Variants in PBX3 observed in about 807,000 individuals in gnomAD.
PBX3 encodes the protein PBX homeobox 3.
Under a neutral mutation model 48.5 loss-of-function variants are expected in PBX3, and 14 were observed. The observed-to-expected ratio is 0.29, with a 90% confidence interval of 0.19 to 0.45. The LOEUF (loss-of-function observed/expected upper bound fraction) is 0.45. Among genes scored for constraint, PBX3 ranks in the 20% least tolerant of loss-of-function variants. The pLI, the probability that PBX3 is intolerant of heterozygous loss-of-function variation, is 1.00. For synonymous variants in PBX3, 210 were observed against 200.3 expected, an observed-to-expected ratio of 1.05 and a Z score of -0.41; for missense variants, 386 against 546.7, an observed-to-expected ratio of 0.71 and a Z score of 2.93.
At chr9:125,834,188 T>G (rs901193584) in intron 2 of PBX3, among the ~76,000 whole-genome samples, 1 of 152,056 alleles carries the variant, frequency 6.6e-6, no homozygotes, top group South Asian at 2.1e-4. Context: ...CATTATGAAG[T>G]ATTGACTGAA....
At chr9:125,765,921 C>G (rs1485311599) in intron 2 of PBX3, among the ~76,000 whole-genome samples, 1 of 151,936 alleles carries the variant, frequency 6.6e-6, no homozygotes, top group African/African-American at 2.4e-5. Flanking sequence ...CTTAAAAGGG[C>G]TTGTTCTTAT....
intron 3 of PBX3, among the ~76,000 whole-genome samples, chr9:125,924,655 T>C (rs539986070): frequency 1.3e-5 from 2 of 152,340 alleles, no homozygotes; most frequent in Admixed American, 6.5e-5. Flanking sequence ...TACTGAATTA[T>C]GCATATCTTC....
At chr9:125,776,646 C>G (rs1033400908) in intron 2 of PBX3, among the ~76,000 whole-genome samples, 2 of 152,072 alleles carry the variant, frequency 1.3e-5, no homozygotes, top group Admixed American at 6.6e-5. Flanking sequence ...AGTGGTTCTC[C>G]CACCTCAGCT....
intron 2 of PBX3, among the ~76,000 whole-genome samples, chr9:125,912,523 G>C (rs1841227133): frequency 6.6e-6 from 1 of 152,102 alleles, no homozygotes; most frequent in African/African-American, 2.4e-5. Context: ...AAAACTGTAG[G>C]CTTATAACAA....
intron 2 of PBX3, among the ~76,000 whole-genome samples, chr9:125,852,639 A>G (rs1057409305): frequency 1.3e-5 from 2 of 152,190 alleles, no homozygotes; most frequent in African/African-American, 2.4e-5. Context: ...GTTGGCCAAT[A>G]GGCAATCTCT....
At chr9:125,765,906 T>A (rs10986889) in intron 2 of PBX3, among the ~76,000 whole-genome samples, 3,062 of 152,250 alleles carry the variant, frequency 0.02, 173 homozygotes, top group East Asian at 0.17. Context: ...GATTTTATTT[T>A]TCTACTTAAA....
At chr9:125,779,859 CCCGGACGGGGCGG>C (rs1281258872) in intron 2 of PBX3, among the ~76,000 whole-genome samples, 6 of 138,692 alleles carry the variant, frequency 4.3e-5, no homozygotes, top group East Asian at 2.3e-4. Flanking sequence ...CCCCTCACCT[CCCGGACGGGGCGG>C]CTGGCCGGGC....
chr9:125,865,494 C>G (rs1839957921), intron 2 of PBX3, among the ~76,000 whole-genome samples: 1 of 152,086 alleles, frequency 6.6e-6, no homozygotes, highest in Non-Finnish European at 1.5e-5. Context: ...AGTTTCTTTC[C>G]ATAATAATTT....
intron 5 of PBX3, 23 bp downstream of exon 5, chr9:125,935,630 G>C: frequency 6.2e-7 from 1 of 1,607,000 alleles, no homozygotes; most frequent in Non-Finnish European, 8.5e-7. Flanking sequence ...CCATGGGTCT[G>C]TCTTGTTCCC....
intron 1 of PBX3, 34 bp from the exon 2 acceptor site, chr9:125,748,516 C>T (rs1564635642): frequency 1.2e-6 from 2 of 1,605,500 alleles, no homozygotes; most frequent in Non-Finnish European, 8.5e-7. Flanking sequence ...ATAGGTGATG[C>T]TAATACCTTT....
chr9:125,828,592 TA>T (rs373460199), intron 2 of PBX3, among the ~76,000 whole-genome samples: 17 of 152,302 alleles, frequency 1.1e-4, no homozygotes, highest in African/African-American at 3.6e-4. Context: ...GTCAGTTTTT[TA>T]AACTACTTTC....
At chr9:125,825,022 C>T (rs754501783) in intron 2 of PBX3, among the ~76,000 whole-genome samples, 10 of 152,264 alleles carry the variant, frequency 6.6e-5, no homozygotes, top group South Asian at 4.1e-4. Flanking sequence ...TAGTGGCTCA[C>T]GCCTGAAATC....
At chr9:125,806,502 A>G (rs903528656) in intron 2 of PBX3, among the ~76,000 whole-genome samples, 12 of 152,174 alleles carry the variant, frequency 7.9e-5, no homozygotes, top group Non-Finnish European at 1.2e-4. Flanking sequence ...CTGTCTGTTC[A>G]CATGGTGGAA....
At chr9:125,955,531 G>A (rs901508823) in intron 5 of PBX3, among the ~76,000 whole-genome samples, 5 of 152,212 alleles carry the variant, frequency 3.3e-5, no homozygotes, top group African/African-American at 7.2e-5. Flanking sequence ...CTGGGATCTC[G>A]GAGTGGTCCA....
chr9:125,822,406 A>C (rs1045954520), intron 2 of PBX3, among the ~76,000 whole-genome samples: 2 of 152,186 alleles, frequency 1.3e-5, no homozygotes, highest in African/African-American at 4.8e-5. Context: ...AAGATCTGGG[A>C]AAGATCTTTA....
intron 2 of PBX3, among the ~76,000 whole-genome samples, chr9:125,886,318 A>G (rs1840500406): frequency 6.6e-6 from 1 of 152,102 alleles, no homozygotes; most frequent in Non-Finnish European, 1.5e-5. Context: ...TGCCTCTGAT[A>G]TGGGAGGGGG....
chr9:125,892,649 T>C (rs571296991), intron 2 of PBX3, among the ~76,000 whole-genome samples: 1 of 152,338 alleles, frequency 6.6e-6, no homozygotes, highest in East Asian at 1.9e-4. Flanking sequence ...GTATAAAATA[T>C]GCATTTGGGC....
intron 2 of PBX3, among the ~76,000 whole-genome samples, chr9:125,785,492 C>T (rs911854096): frequency 2.0e-5 from 3 of 152,216 alleles, no homozygotes; most frequent in African/African-American, 7.2e-5. Flanking sequence ...CTTGGACTTA[C>T]ATCAGTGGTT....
chr9:125,773,925 T>C (rs985898155), intron 2 of PBX3, among the ~76,000 whole-genome samples: 1 of 152,244 alleles, frequency 6.6e-6, no homozygotes, highest in African/African-American at 2.4e-5. Flanking sequence ...ACATTCACAT[T>C]GTTGTACAAC....
Sources: gnomAD v4.1 joint callset for allele counts (sites outside exome capture counted in the v4.1 genomes callset) on GRCh38, gnomAD v4.1.1 for gene constraint, MANE v1.5 for transcripts, NCBI Gene and HGNC (gene_info 2026-07-23, HGNC 2026-07-21) for gene names.